Variants in SLC5A4 observed in about 807,000 individuals in gnomAD.
SLC5A4 encodes probable glucose sensor protein SLC5A4.
A neutral mutation model predicts 70.3 loss-of-function variants in SLC5A4; 55 were observed. The ratio of observed to expected loss-of-function variants is 0.78; its 90% CI spans 0.63 to 0.98. The LOEUF (loss-of-function observed/expected upper bound fraction) is 0.98. Among genes scored for constraint, SLC5A4 ranks in the 50% least tolerant of loss-of-function variants. SLC5A4 has a pLI of 0.00. For synonymous variants in SLC5A4, 268 were observed against 305.7 expected, an observed-to-expected ratio of 0.88 and a Z score of 1.29; for missense variants, 735 against 839.2, an observed-to-expected ratio of 0.88 and a Z score of 1.53.
At position 32,225,576 on chromosome 22, in the gene SLC5A4, A is replaced by G. The variant is rs146362007; in HGVS notation, c.1449+79T>C. ...GATTTGCATAAATAGGGGAGAAAGA[A>G]TGTATTTTGATACCCCAGTGAAATA... is the stretch of plus-strand genomic sequence containing the variant. On this transcript the variant is annotated intron_variant, in intron 12 of 14. Transcript: ENST00000266086. The G allele has an allele frequency of 6.2e-4, 530 of 855,112 alleles. 1 individual carries two copies. The highest frequency in any genetic ancestry group is 1.4e-3 in the Admixed American group (59 of 41,922). 53.0% of individuals were successfully genotyped at this position (855,112 alleles called of 1,614,324 possible).
the SLC5A4 span, among the ~76,000 whole-genome samples, chr22:32,290,430 T>C: frequency 6.6e-6 from 1 of 152,294 alleles, no homozygotes; most frequent in African/African-American, 2.4e-5. Context: ...GTGGGAAAGA[T>C]TTGGTTATGG....
the SLC5A4 span, among the ~76,000 whole-genome samples, chr22:32,264,489 T>C: frequency 6.6e-6 from 1 of 152,098 alleles, no homozygotes. Context: ...GTGGATCACC[T>C]GAGCCCATGT....
chr22:32,219,580 A>T (rs1347230811), intron 14 of SLC5A4, among the ~76,000 whole-genome samples: 1 of 149,732 alleles, frequency 6.7e-6, no homozygotes, highest in Non-Finnish European at 1.5e-5. Flanking sequence ...TCAAAAGAAA[A>T]GTAAAATTTC....
the SLC5A4 span, among the ~76,000 whole-genome samples, chr22:32,342,234 C>G: frequency 6.6e-6 from 1 of 152,196 alleles, no homozygotes; most frequent in Non-Finnish European, 1.5e-5. Flanking sequence ...GAACCTCTTC[C>G]TTTTGATTTC....
chr22:32,297,764 C>T, the SLC5A4 span, among the ~76,000 whole-genome samples: 1 of 121,020 alleles, frequency 8.3e-6, no homozygotes, highest in Non-Finnish European at 1.8e-5. Flanking sequence ...AATTTTGGAT[C>T]TTTCCTGCTG....
chr22:32,303,637 CTCATT>C, the SLC5A4 span, among the ~76,000 whole-genome samples: 1 of 152,044 alleles, frequency 6.6e-6, no homozygotes, highest in South Asian at 2.1e-4. Flanking sequence ...GGCTTGATAC[CTCATT>C]TCTTTTTAGC....
the SLC5A4 span, among the ~76,000 whole-genome samples, chr22:32,274,555 C>G: frequency 6.6e-6 from 1 of 151,970 alleles, no homozygotes; most frequent in African/African-American, 2.4e-5. Context: ...TGCATAAAAA[C>G]AGCTCAAAAT....
the SLC5A4 span, among the ~76,000 whole-genome samples, chr22:32,305,844 C>A: frequency 6.6e-6 from 1 of 151,646 alleles, no homozygotes; most frequent in East Asian, 1.9e-4. Flanking sequence ...CCCCCCACCC[C>A]CCACGTGCTT....
the SLC5A4 span, chr22:32,285,176 T>C: frequency 6.6e-6 from 1 of 152,204 alleles, no homozygotes; most frequent in Non-Finnish European, 1.5e-5. Flanking sequence ...ATACGATATA[T>C]GTGTGTATAT....
chr22:32,221,325 C>T (rs1036182428), intron 13 of SLC5A4, among the ~76,000 whole-genome samples: 1 of 152,182 alleles, frequency 6.6e-6, no homozygotes, highest in Admixed American at 6.5e-5. Context: ...CTACACTATA[C>T]CCCAGCTTCA....
At chr22:32,336,213 C>G in the SLC5A4 span, among the ~76,000 whole-genome samples, 1 of 152,082 alleles carries the variant, frequency 6.6e-6, no homozygotes, top group South Asian at 2.1e-4. Context: ...TGTAGGATCT[C>G]GCGTCTTCCA....
rs747060127 is a variant in SLC5A4, at chr22:32,218,634, C to T, written c.1860G>A (p.Glu620=). Residue 620 remains glutamate (E), a synonymous_variant, in exon 15 of 15, where the codon GAG becomes GAA. Transcript: ENST00000266086. ...QKGPKLTKEE[E]EALSKKLTDT... ...CTGTGAGCTTCTTGCTCAAGGCTTC[C>T]TCCTCCTCCTTGGTTAGCTTGGGTC... is the stretch of plus-strand genomic sequence containing the variant. 6 of 1,612,304 alleles carry T rather than the reference C, an allele frequency of 3.7e-6. No individual in the cohort carries two copies. The African/African-American group carries it at 8.0e-5, about 22-fold the overall frequency.
intron 14 of SLC5A4, among the ~76,000 whole-genome samples, chr22:32,219,682 G>T (rs1397521974): frequency 1.1e-5 from 1 of 93,092 alleles, no homozygotes; most frequent in African/African-American, 4.2e-5. Context: ...AAATGGAAGA[G>T]AATACAAATA....
At chr22:32,271,424 C>G in the SLC5A4 span, 4 of 773,246 alleles carry the variant, frequency 5.2e-6, no homozygotes, top group African/African-American at 6.8e-5. Context: ...TGCTTATCTA[C>G]AAGGCCTTCC....
the SLC5A4 span, among the ~76,000 whole-genome samples, chr22:32,293,913 A>G: frequency 6.6e-6 from 1 of 152,198 alleles, no homozygotes; most frequent in Admixed American, 6.5e-5. Flanking sequence ...ACTGTTTGAT[A>G]TAGTAGTATA....
At chr22:32,271,505 C>T in the SLC5A4 span, 40 of 723,166 alleles carry the variant, frequency 5.5e-5, no homozygotes, top group Non-Finnish European at 9.4e-5. Context: ...ACATCAGCTT[C>T]CGTGAGAAGA....
At chr22:32,317,265 T>G in the SLC5A4 span, among the ~76,000 whole-genome samples, 1 of 152,082 alleles carries the variant, frequency 6.6e-6, no homozygotes, top group Admixed American at 6.6e-5. Context: ...GACGAGCCAA[T>G]GCTAAGAGGA....
At chr22:32,282,294 C>T in the SLC5A4 span, among the ~76,000 whole-genome samples, 1 of 152,134 alleles carries the variant, frequency 6.6e-6, no homozygotes, top group African/African-American at 2.4e-5. Flanking sequence ...CAACCCAAAA[C>T]CCAGGGTCGG....
upstream of SLC5A4, among the ~76,000 whole-genome samples, chr22:32,258,503 G>A (rs374184560): frequency 9.9e-5 from 15 of 152,074 alleles, no homozygotes; most frequent in East Asian, 3.9e-4. Flanking sequence ...GTCACTAATC[G>A]TCGGGAAAAT....
Sources: allele counts gnomAD v4.1 joint callset (sites outside exome capture counted in the v4.1 genomes callset), GRCh38; gene constraint gnomAD v4.1.1; transcripts MANE v1.5; gene names NCBI Gene and HGNC (gene_info 2026-07-23, HGNC 2026-07-21).